HACE1: variants seen among roughly 807,000 people sequenced by gnomAD.
HACE1 encodes the protein E3 ubiquitin-protein ligase HACE1.
In HACE1, 73 loss-of-function variants were observed where a neutral mutation model predicts 118.4. That is an observed-to-expected ratio of 0.62 (90% CI 0.51 to 0.75). The LOEUF is 0.75. Ranked by LOEUF, HACE1 falls within the 30% of genes least tolerant of loss-of-function variation. The probability of loss-of-function intolerance (pLI) is 0.00; values close to 1 mark genes in which losing one functional copy is unlikely to be tolerated. For missense variants in HACE1, 749 were observed against 1,102.2 expected (o/e 0.68, Z 4.54); for synonymous variants, 368 against 374.8 (o/e 0.98, Z 0.21).
At chr6:104,829,589 A>G (rs1773661094) in intron 6 of HACE1, among the ~76,000 whole-genome samples, 1 of 152,164 alleles carries the variant, frequency 6.6e-6, no homozygotes, top group African/African-American at 2.4e-5. Flanking sequence ...TATGATCATC[A>G]TAGGTAACGA....
chr6:104,859,886 C>G lies in HACE1; in HGVS notation c.-244G>C, dbSNP rs1293210976. 2.1e-6 allele frequency: 1 copy of G among 478,744 alleles called. No individual in the cohort carries two copies. The highest frequency in any genetic ancestry group is 2.1e-5 in the African/African-American group (1 of 48,074). The allele number at this position is 478,744 out of a possible 1,614,324, so 29.7% of individuals were successfully genotyped here. ...GCTCGCGCCTTTCCTGCAGCCCCCG[C>G]CGCCGCGTCCCTCCCGGGCTCGCGT... On this transcript the variant is annotated 5_prime_UTR_variant, in exon 1 of 24. Transcript: ENST00000262903.
chr6:104,781,980 A>C (rs1781791437), intron 14 of HACE1, among the ~76,000 whole-genome samples: 1 of 152,178 alleles, frequency 6.6e-6, no homozygotes. Flanking sequence ...GAAAGTAAAA[A>C]GCAGAGACAG....
chr6:104,856,684 G>A (rs957157174), intron 1 of HACE1, among the ~76,000 whole-genome samples: 4 of 151,982 alleles, frequency 2.6e-5, no homozygotes, highest in South Asian at 2.1e-4. Context: ...ATCCACCCAC[G>A]TCGGCCTCCC....
intron 19 of HACE1, among the ~76,000 whole-genome samples, chr6:104,760,359 C>T (rs1010751137): frequency 3.9e-5 from 6 of 152,134 alleles, no homozygotes; most frequent in Admixed American, 1.3e-4. Flanking sequence ...ACGATCAAGT[C>T]GGCTTCATCC....
At chr6:104,857,722 C>T (rs1776870286) in intron 1 of HACE1, among the ~76,000 whole-genome samples, 1 of 151,368 alleles carries the variant, frequency 6.6e-6, no homozygotes, top group Admixed American at 6.6e-5. Context: ...CTTTGGGAGG[C>T]CGAGGCGGGC....
chr6:104,746,778 A>G (rs1446366051), intron 20 of HACE1, among the ~76,000 whole-genome samples: 2 of 152,206 alleles, frequency 1.3e-5, no homozygotes, highest in Non-Finnish European at 2.9e-5. Context: ...GTTCCCTGAC[A>G]GGACTCTGAT....
chr6:104,735,546 GC>G (rs1295695970), intron 22 of HACE1, among the ~76,000 whole-genome samples: 1 of 151,992 alleles, frequency 6.6e-6, no homozygotes. Context: ...CAGGAGAATG[GC>G]GTGAACCCAG....
At chr6:104,803,384 T>C (rs1285512170) in intron 7 of HACE1, among the ~76,000 whole-genome samples, 2 of 152,170 alleles carry the variant, frequency 1.3e-5, no homozygotes, top group African/African-American at 4.8e-5. Context: ...ATCATCCTGA[T>C]ACCAAAGCCT....
At position 104,791,588 on chromosome 6, in the gene HACE1, G is replaced by T. The variant is rs772230767; in HGVS notation, c.990C>A (p.Val330=). The part of the protein sequence containing the change: ...LLRIVRMFCH[V]FRIGPSSPSN... ...TGGGGGAGGATGGACCAATTCGAAA[G>T]ACGTGACAAAACATTCTCACAATCC... The change falls in exon 11 of 24, where the codon GTC becomes GTA. Residue 330 remains valine, a synonymous_variant. Transcript: ENST00000262903. 3 of 1,610,696 alleles carry T rather than the reference G, an allele frequency of 1.9e-6. No individual in the cohort carries two copies. Among genetic ancestry groups the T allele is most frequent in the Non-Finnish European group, 2.5e-6 (3 of 1,177,106 alleles).
At chr6:104,785,545 T>C (rs1000802047) in intron 11 of HACE1, 19 of 470,230 alleles carry the variant, frequency 4.0e-5, no homozygotes, top group Non-Finnish European at 6.1e-5. Context: ...AATTTGTATG[T>C]ATGTATTCCT....
At chr6:104,806,702 T>TG (rs1450809667) in intron 7 of HACE1, among the ~76,000 whole-genome samples, 1 of 152,196 alleles carries the variant, frequency 6.6e-6, no homozygotes, top group Admixed American at 6.5e-5. Flanking sequence ...GTTTTTGAGA[T>TG]AGTCTCAATT....
At chr6:104,842,839 C>T (rs1362271864) in intron 5 of HACE1, among the ~76,000 whole-genome samples, 1 of 152,104 alleles carries the variant, frequency 6.6e-6, no homozygotes, top group Non-Finnish European at 1.5e-5. Context: ...AGGCCAGGTG[C>T]GGTGGCTCAC....
At position 104,782,743 on chromosome 6, in the gene HACE1, A is replaced by G. The variant is rs1582444544; in HGVS notation, c.1566+1343T>C. ...TTCTCTTTCACATTATCATTATTAA[A>G]CAGATGTCAAAAGATCCCTCTATAT... On this transcript the variant is annotated intron_variant, in intron 14 of 23. Transcript: ENST00000262903. Among the ~76,000 whole-genome samples the G allele has an allele frequency of 2.0e-5, 3 of 152,344 alleles. No homozygotes were observed. The Middle Eastern group carries it at 0.01, about 518-fold the overall frequency.
intron 22 of HACE1, among the ~76,000 whole-genome samples, chr6:104,740,512 T>C (rs1304184213): frequency 6.6e-6 from 1 of 152,086 alleles, no homozygotes; most frequent in Non-Finnish European, 1.5e-5. Context: ...CAAACTACCA[T>C]CAGAGAATAC....
chr6:104,784,103 G>A lies in HACE1; in HGVS notation c.1549C>T (p.His517Tyr). ...ECPELMSRFMHIIKAQPFKDR... is the reference protein window; with the variant it reads ...ECPELMSRFMYIIKAQPFKDR... The stretch of plus-strand genomic sequence containing the variant: ...ATTTCTACCTGTGCTTTTATGATAT[G>A]CATGAATCTTGACATCAACTCAGGA... The change falls in exon 14 of 24, where the codon CAT (histidine) becomes TAT (tyrosine). Residue 517 changes from histidine to tyrosine, a missense_variant. Transcript: ENST00000262903. 6.4e-7 allele frequency: 1 copy of A among 1,574,128 alleles called. No individual in the cohort carries two copies. The highest frequency in any genetic ancestry group is 2.2e-5 in the East Asian group (1 of 44,578).
intron 22 of HACE1, among the ~76,000 whole-genome samples, chr6:104,736,076 G>GT (rs920149488): frequency 4.0e-5 from 6 of 151,210 alleles, no homozygotes; most frequent in Admixed American, 6.6e-5. Flanking sequence ...ATTGGAAGTG[G>GT]TTTTTTTTCT....
At chr6:104,847,903 G>C (rs1775817474) in intron 4 of HACE1, among the ~76,000 whole-genome samples, 3 of 151,794 alleles carry the variant, frequency 2.0e-5, no homozygotes, top group Admixed American at 1.3e-4. Context: ...CTGCAACCTA[G>C]CTCTCCCGGG....
intron 6 of HACE1, among the ~76,000 whole-genome samples, chr6:104,822,597 C>T (rs1772880186): frequency 6.6e-6 from 1 of 151,974 alleles, no homozygotes; most frequent in South Asian, 2.1e-4. Context: ...TGGCTCACAC[C>T]TGTAATCCTA....
intron 6 of HACE1, chr6:104,831,458 A>T (rs1362138706): frequency 6.6e-6 from 1 of 152,036 alleles, no homozygotes; most frequent in Non-Finnish European, 1.5e-5. Context: ...GGTGGCACAC[A>T]CCTGTAATCC....
Sources: gnomAD v4.1 joint callset for allele counts (sites outside exome capture counted in the v4.1 genomes callset) on GRCh38, gnomAD v4.1.1 for gene constraint, MANE v1.5 for transcripts, NCBI Gene and HGNC (gene_info 2026-07-23, HGNC 2026-07-21) for gene names.